LHX4: variants seen among roughly 807,000 people sequenced by gnomAD.
The protein encoded by LHX4 is LIM homeobox 4.
LHX4 carries 16 observed loss-of-function variants against 39.2 expected under a neutral mutation model. That is an observed-to-expected ratio of 0.41 (90% CI 0.28 to 0.62). LHX4 has a LOEUF of 0.62. Among genes scored for constraint, LHX4 ranks in the 20% least tolerant of loss-of-function variants. The probability of loss-of-function intolerance (pLI) is 0.33; values close to 1 mark genes in which losing one functional copy is unlikely to be tolerated. For synonymous variants in LHX4, 206 were observed against 198.1 expected, an observed-to-expected ratio of 1.04 and a Z score of -0.33; for missense variants, 439 against 511.9, an observed-to-expected ratio of 0.86 and a Z score of 1.37.
chr1:180,270,916 G>A (rs1302230409), intron 3 of LHX4: 1 of 249,512 alleles, frequency 4.0e-6, no homozygotes, highest in African/African-American at 2.2e-5. Context: ...CAGGGCAAAG[G>A]TGACATGGCT....
chr1:180,277,778 G>A lies in LHX4; in HGVS notation c.*3199G>A, dbSNP rs1041971484. 6.6e-6 allele frequency: 1 copy of A among 151,554 alleles called. No individual in the cohort carries two copies. The allele number at this position is 151,554 out of a possible 1,614,324, so 9.4% of individuals were successfully genotyped here. A position where few individuals can be genotyped will look rare whatever the true frequency, so the allele number is the denominator to read the frequency against. On this transcript the variant is annotated 3_prime_UTR_variant, in exon 6 of 6. Transcript: ENST00000263726. ...CGTAAAATAAAGATCAACTATCATT[G>A]ATAACACTGTTCCTGCAAATGAATA...
chr1:180,274,158 A>G lies in LHX4; in HGVS notation c.779-27A>G. The G allele has an allele frequency of 1.9e-6, 3 of 1,614,102 alleles. No individual in the cohort carries two copies. In the African/African-American group the frequency reaches 4.0e-5, roughly 22 times the overall value. On this transcript the variant is annotated intron_variant, in intron 5 of 5. Transcript: ENST00000263726. ...GACCATCAGAGTCCTGGCAGCTGAC[A>G]ATAAATCTCCGTTCTTTTGTCCACA...
intron 5 of LHX4, 60 bp downstream of exon 5, chr1:180,272,066 T>C: frequency 3.4e-6 from 5 of 1,488,018 alleles, no homozygotes; most frequent in Non-Finnish European, 4.6e-6. Context: ...GAATCTGTAA[T>C]CCCTGGCACT....
intron 1 of LHX4, among the ~76,000 whole-genome samples, chr1:180,242,035 T>C (rs1415838500): frequency 1.3e-5 from 2 of 152,004 alleles, no homozygotes; most frequent in Non-Finnish European, 2.9e-5. Flanking sequence ...CAGGCTGATC[T>C]CCCAGTATTT....
chr1:180,237,307 G>A (rs1284167626), intron 1 of LHX4, among the ~76,000 whole-genome samples: 1 of 152,174 alleles, frequency 6.6e-6, no homozygotes, highest in African/African-American at 2.4e-5. Context: ...GGGAAGCACA[G>A]GTGCTGGGTA....
At chr1:180,253,361 G>A (rs1295613521) in intron 2 of LHX4, among the ~76,000 whole-genome samples, 1 of 152,254 alleles carries the variant, frequency 6.6e-6, no homozygotes, top group Non-Finnish European at 1.5e-5. Flanking sequence ...TTCCTCTGGA[G>A]CACAGCACAG....
At chr1:180,267,909 G>A (rs1648393840) in intron 3 of LHX4, among the ~76,000 whole-genome samples, 1 of 152,118 alleles carries the variant, frequency 6.6e-6, no homozygotes, top group Non-Finnish European at 1.5e-5. Context: ...CTGGAGCTGG[G>A]TTTGGCTTTG....
chr1:180,271,167 T>C lies in LHX4; in HGVS notation c.452-213T>C. 3.2e-6 allele frequency: 2 copies of C among 630,608 alleles called. 1 individual carries two copies. Among genetic ancestry groups the C allele is most frequent in the Non-Finnish European group, 5.8e-6 (2 of 346,764 alleles). 39.1% of individuals were successfully genotyped at this position (630,608 alleles called of 1,614,324 possible). ...GGGAGCTGAGCAGAGAAAGGACTGC[T>C]GTCCTCACTTTTCAGTGGCTTGGGA... On this transcript the variant is annotated intron_variant, in intron 3 of 5. Transcript: ENST00000263726.
At chr1:180,258,743 G>T (rs1337653784) in intron 2 of LHX4, among the ~76,000 whole-genome samples, 1 of 152,074 alleles carries the variant, frequency 6.6e-6, no homozygotes, top group Non-Finnish European at 1.5e-5. Flanking sequence ...ATTCAAGCTT[G>T]CAGTGAGCTG....
At chr1:180,230,058 C>G (rs1448884513), upstream of LHX4, among the ~76,000 whole-genome samples, 2 of 151,054 alleles carry the variant, frequency 1.3e-5, no homozygotes, top group East Asian at 4.0e-4. This position sits in a 1 kb window ranked among gnomAD's most constrained non-coding sequence, Gnocchi z 5.8. Flanking sequence ...GCCGGGACCC[C>G]CACTCCCTCC....
At chr1:180,230,183 G>C, upstream of LHX4, 1 of 386,288 alleles carries the variant, frequency 2.6e-6, no homozygotes, top group Non-Finnish European at 4.8e-6. This position sits in a 1 kb window ranked among gnomAD's most constrained non-coding sequence, Gnocchi z 5.8. Flanking sequence ...CCGGGTGACC[G>C]CGGCCTCCCG....
chr1:180,264,378 A>AACAC (rs10561933), intron 2 of LHX4, among the ~76,000 whole-genome samples: 3,696 of 145,344 alleles, frequency 0.025, 103 homozygotes, highest in Admixed American at 0.061. Context: ...ACACACACAT[A>AACAC]ACACACACAC....
intron 2 of LHX4, among the ~76,000 whole-genome samples, chr1:180,257,746 A>G (rs1207364828): frequency 6.6e-6 from 1 of 152,238 alleles, no homozygotes; most frequent in African/African-American, 2.4e-5. Context: ...CAACTTGTGC[A>G]GTATTTTGTT....
intron 2 of LHX4, among the ~76,000 whole-genome samples, chr1:180,260,223 G>A (rs941266993): frequency 1.3e-5 from 2 of 151,750 alleles, no homozygotes; most frequent in South Asian, 4.1e-4. Flanking sequence ...GTTGGTGCTA[G>A]GAGAATGGCA....
chr1:180,246,305 C>T (rs1647380713), intron 1 of LHX4, among the ~76,000 whole-genome samples: 1 of 152,236 alleles, frequency 6.6e-6, no homozygotes, highest in South Asian at 2.1e-4. Context: ...AGAAAGCCTT[C>T]TCTCTACATA....
intron 2 of LHX4, among the ~76,000 whole-genome samples, chr1:180,257,270 T>G (rs1386579705): frequency 6.6e-6 from 1 of 152,242 alleles, no homozygotes; most frequent in African/African-American, 2.4e-5. Context: ...GTCACTGGTT[T>G]TAAAGCTTTT....
chr1:180,274,205 C>T lies in LHX4; in HGVS notation c.799C>T (p.Leu267Phe), dbSNP rs1648878408. ...CACAGAGGATCAAATTCTCTCAGAA[C>T]TTGGCCACACCAATAGGATTTATGG... ...SFREDQILSE[L>F]GHTNRIYGNV... The change falls in exon 6 of 6, where the codon CTT becomes TTT. Residue 267 changes from leucine (L) to phenylalanine (F), a missense_variant. Physicochemically the swap from Leu to Phe is conservative, Grantham distance 22. Transcript: ENST00000263726. 1.2e-6 allele frequency: 2 copies of T among 1,614,104 alleles called. No individual in the cohort carries two copies. The highest frequency in any genetic ancestry group is 1.7e-6 in the Non-Finnish European group (2 of 1,180,046).
intron 1 of LHX4, among the ~76,000 whole-genome samples, chr1:180,236,115 T>C (rs1057269982): frequency 2.8e-5 from 4 of 142,184 alleles, no homozygotes; most frequent in Non-Finnish European, 5.9e-5. Flanking sequence ...AGGATTAGGG[T>C]AACGCGAGCC....
chr1:180,266,718 C>A lies in LHX4; in HGVS notation c.451+124C>A. Reference sequence around the variant, plus strand: ...CCTCAGAGCCCTACTCATGCACCGCCACCTCTGAGAAGCGTCCCAGATCTC... The same window carrying A: ...CCTCAGAGCCCTACTCATGCACCGCAACCTCTGAGAAGCGTCCCAGATCTC... On this transcript the variant is annotated intron_variant, in intron 3 of 5. Coordinates refer to ENST00000263726, the MANE Select transcript of LHX4 (RefSeq NM_033343.4). This position sits in a 1 kb window ranked among gnomAD's most constrained non-coding sequence, Gnocchi z 5.7. 1 of 932,440 alleles carries A rather than the reference C, an allele frequency of 1.1e-6. No individual in the cohort carries two copies. The highest frequency in any genetic ancestry group is 1.7e-6 in the Non-Finnish European group (1 of 593,594). The allele number at this position is 932,440 out of a possible 1,614,324, so 57.8% of individuals were successfully genotyped here. A position where few individuals can be genotyped will look rare whatever the true frequency, so the allele number is the denominator to read the frequency against.
Sources: gnomAD v4.1 joint callset for allele counts (sites outside exome capture counted in the v4.1 genomes callset) on GRCh38, gnomAD v4.1.1 for gene constraint, Gnocchi (gnomAD v3.1) non-coding constraint, MANE v1.5 for transcripts, NCBI Gene and HGNC (gene_info 2026-07-23, HGNC 2026-07-21) for gene names.